ECEL1: variants seen among roughly 807,000 people sequenced by gnomAD.
ECEL1 encodes endothelin converting enzyme like 1.
ECEL1 carries 87 observed loss-of-function variants against 101.8 expected under a neutral mutation model. The observed-to-expected ratio is 0.85, with a 90% CI of 0.72 to 1.02. The LOEUF is 1.02. Ranked by LOEUF, ECEL1 falls within the 50% of genes least tolerant of loss-of-function variation. ECEL1 has a pLI of 0.00. For missense variants in ECEL1, 1,032 were observed against 1,079.2 expected (o/e 0.96, Z 0.61); for synonymous variants, 487 against 468.7 (o/e 1.04, Z -0.50).
chr2:232,486,240 G>C lies in ECEL1; in HGVS notation c.414C>G (p.His138Gln), dbSNP rs1285072179. Residue 138 changes from histidine (H) to glutamine (Q), a missense_variant, in exon 2 of 18, where the codon CAC (histidine) becomes CAG (glutamine). Coordinates refer to ENST00000304546, the MANE Select transcript of ECEL1 (RefSeq NM_004826.4). ...AGGTGAGCTTGTCGTCGGGGATGGC[G>C]TGGCGCCGCAGCCAACCGCCGCAGG... Reference protein sequence around the residue: ...SFACGGWLRRHAIPDDKLTYG... With the variant: ...SFACGGWLRRQAIPDDKLTYG... 1.2e-6 allele frequency: 2 copies of C among 1,601,222 alleles called. No individual in the cohort carries two copies. Among genetic ancestry groups the C allele is most frequent in the East Asian group, 4.5e-5 (2 of 44,552 alleles).
At position 232,486,683 on chromosome 2, in the gene ECEL1, G is replaced by A. The variant is rs750247749; in HGVS notation, c.-30C>T. ...CCGAGGCCGCCGCGGTGCAGACCTG[G>A]GCCACCTGGGCTACGGGATGCGCGT... On this transcript the variant is annotated 5_prime_UTR_variant, in exon 2 of 18. Coordinates refer to ENST00000304546, the MANE Select transcript of ECEL1 (RefSeq NM_004826.4). The A allele has an allele frequency of 4.8e-6, 7 of 1,473,080 alleles. No individual in the cohort carries two copies. In the African/African-American group the frequency reaches 8.9e-5, roughly 19 times the overall value. 91.3% of individuals were successfully genotyped at this position (1,473,080 alleles called of 1,614,324 possible).
chr2:232,486,263 AGGC>A lies in ECEL1; in HGVS notation c.388_390del (p.Ala130del), dbSNP rs1690723374. 1 of 1,600,960 alleles carries A rather than the reference AGGC, an allele frequency of 6.2e-7. No individual in the cohort carries two copies. Among genetic ancestry groups the A allele is most frequent in the African/African-American group, 1.3e-5 (1 of 74,158 alleles). ...GCGTGGCGCCGCAGCCAACCGCCGC[AGGC>A]GAACGAGTAGAAGTCCTGGCATGGG... is the stretch of plus-strand genomic sequence containing the variant. On this transcript the variant is annotated inframe_deletion, in exon 2 of 18. Coordinates refer to ENST00000304546, the MANE Select transcript of ECEL1 (RefSeq NM_004826.4).
intron 9 of ECEL1, 72 bp from the exon 10 acceptor site, chr2:232,483,026 C>T: frequency 3.7e-6 from 6 of 1,612,124 alleles, no homozygotes; most frequent in Admixed American, 1.7e-5. Flanking sequence ...AACAACCTGG[C>T]CGTGCAGGCC....
At chr2:232,480,613 CAG>C (rs1325999627) in intron 16 of ECEL1, 103 bp downstream of exon 16, 1 of 1,501,028 alleles carries the variant, frequency 6.7e-7, no homozygotes, top group Non-Finnish European at 9.2e-7. Context: ...CAGGTGATGA[CAG>C]ACAGGCTGTC....
At chr2:232,485,794 G>A in intron 2 of ECEL1, 74 bp downstream of exon 2, 1 of 1,510,418 alleles carries the variant, frequency 6.6e-7, no homozygotes, top group Non-Finnish European at 8.9e-7. Flanking sequence ...CCTCCCGCGC[G>A]CAGGGACCCC....
intron 14 of ECEL1, 24 bp from the exon 15 acceptor site, chr2:232,481,180 G>T: frequency 6.4e-7 from 1 of 1,552,640 alleles, no homozygotes; most frequent in Non-Finnish European, 8.7e-7. Flanking sequence ...AAGAGGCCAG[G>T]GGGCTGCTTG....
chr2:232,487,035 C>A (rs1014558927), intron 1 of ECEL1, among the ~76,000 whole-genome samples: 9 of 152,314 alleles, frequency 5.9e-5, no homozygotes, highest in African/African-American at 2.2e-4. Flanking sequence ...CGTAGTGGGC[C>A]TTCATTGAAA....
Position 232,483,089 on chromosome 2 carries a change from C to A in ECEL1, c.1581+16G>T, listed in dbSNP as rs1183897567. 2 of 1,609,570 alleles carry A rather than the reference C, an allele frequency of 1.2e-6. No homozygotes were observed. Among genetic ancestry groups the A allele is most frequent in the East Asian group, 2.2e-5 (1 of 44,750 alleles). ...AGGGGCTGTGGACAGGCTGGGCAGG[C>A]AGGGTCAGGGCCCACCTCATACTCC... is the stretch of plus-strand genomic sequence containing the variant. On this transcript the variant is annotated intron_variant, in intron 9 of 17. Coordinates refer to ENST00000304546, the MANE Select transcript of ECEL1 (RefSeq NM_004826.4).
chr2:232,486,854 C>T (rs981476921), intron 1 of ECEL1, 100 bp from the exon 2 acceptor site: 17 of 476,928 alleles, frequency 3.6e-5, no homozygotes, highest in Non-Finnish European at 5.0e-5. Context: ...AGGCCCCAGC[C>T]GCGGGCCTCA....
Position 232,482,953 on chromosome 2 carries a change from A to G in ECEL1, c.1583T>C (p.Phe528Ser). The change falls in exon 10 of 18, where the codon TTT becomes TCT. Residue 528 changes from phenylalanine (F) to serine (S), a missense_variant and splice_region_variant. By Grantham distance (155) the Phe-to-Ser change is radical (BLOSUM62 -2). Transcript: ENST00000304546. ...GAAGTAGGTCTTCTCATGGACCTCA[A>G]ACTGCAGGAGGCACGGGCGACACTC... ...KPDAVDKEYE[F>S]EVHEKTYFKN... 1 of 1,614,112 alleles carries G rather than the reference A, an allele frequency of 6.2e-7. No homozygotes were observed. Among genetic ancestry groups the G allele is most frequent in the Non-Finnish European group, 8.5e-7 (1 of 1,180,014 alleles).
At position 232,485,281 on chromosome 2, in the gene ECEL1, C is replaced by G. The variant is rs757423203; in HGVS notation, c.787-14G>C. 1 of 1,612,732 alleles carries G rather than the reference C, an allele frequency of 6.2e-7. No homozygotes were observed. The highest frequency in any genetic ancestry group is 8.5e-7 in the Non-Finnish European group (1 of 1,179,806). ...ATCCTGGTCAATCTGGGGAGGGAGA[C>G]AGGGGCCACAGGTCAGAGGCCCACA... On this transcript the variant is annotated splice_polypyrimidine_tract_variant and intron_variant, in intron 2 of 17. Transcript: ENST00000304546.
intron 8 of ECEL1, 60 bp from the exon 9 acceptor site, chr2:232,483,239 CA>C (rs1690631406): frequency 3.2e-6 from 5 of 1,562,174 alleles, no homozygotes; most frequent in Non-Finnish European, 4.3e-6. Flanking sequence ...CCCCGCCCCC[CA>C]CCCTACCCAC....
Position 232,486,394 on chromosome 2 carries a change from G to C in ECEL1, c.260C>G (p.Pro87Arg). Reference protein sequence around the residue: ...AAMLALKYLGPVAAGGGACPE... With the variant: ...AAMLALKYLGRVAAGGGACPE... ...ACAGGCGCCGCCGCCGGCCGCGACC[G>C]GGCCCAGGTACTTGAGGGCCAGCAT... The change falls in exon 2 of 18, where the codon CCG (proline) becomes CGG (arginine). Residue 87 changes from proline to arginine, a missense_variant. Coordinates refer to ENST00000304546, the MANE Select transcript of ECEL1 (RefSeq NM_004826.4). The C allele has an allele frequency of 3.4e-6, 5 of 1,478,264 alleles. No individual in the cohort carries two copies. Among genetic ancestry groups the C allele is most frequent in the Non-Finnish European group, 4.4e-6 (5 of 1,126,414 alleles). 91.6% of individuals were successfully genotyped at this position (1,478,264 alleles called of 1,614,324 possible). A position where few individuals can be genotyped will look rare whatever the true frequency, so the allele number is the denominator to read the frequency against.
intron 13 of ECEL1, 32 bp from the exon 14 acceptor site, chr2:232,481,662 C>G: frequency 1.2e-6 from 2 of 1,609,214 alleles, no homozygotes; most frequent in Non-Finnish European, 1.7e-6. Context: ...GAGACCCACC[C>G]TCACCTGAGC....
In ECEL1 at chr2:232,482,510, C is replaced by T. The variant is rs78348487; in HGVS notation, c.1744+40G>A. 2,291 of 1,614,008 alleles carry T rather than the reference C, an allele frequency of 1.4e-3. 36 individuals are homozygous for T. The East Asian group carries it at 0.033, about 23-fold the overall frequency. On this transcript the variant is annotated intron_variant, in intron 11 of 17. Coordinates refer to ENST00000304546, the MANE Select transcript of ECEL1 (RefSeq NM_004826.4). ...GCTCAGTGGGAAACCCATCCACTTT[C>T]GGACCCTGCCCCGCCCGGCGTAGGG...
At position 232,483,258 on chromosome 2, in the gene ECEL1, G is replaced by A. The variant is rs527721517; in HGVS notation, c.1507-79C>T. The A allele has an allele frequency of 1.1e-5, 18 of 1,569,684 alleles. No homozygotes were observed. The South Asian group carries it at 2.1e-4, about 18-fold the overall frequency. Reference sequence around the variant, plus strand: ...GCCCCCCACCCTACCCACCAAGGAAGGGAGCACTAGGCCAGCCTGGGAGTG... The same window carrying A: ...GCCCCCCACCCTACCCACCAAGGAAAGGAGCACTAGGCCAGCCTGGGAGTG... On this transcript the variant is annotated intron_variant, in intron 8 of 17. Coordinates refer to ENST00000304546, the MANE Select transcript of ECEL1 (RefSeq NM_004826.4).
chr2:232,479,922 G>C lies in ECEL1; in HGVS notation c.*231C>G. On this transcript the variant is annotated 3_prime_UTR_variant, in exon 18 of 18. Transcript: ENST00000304546. Reference sequence around the variant, plus strand: ...CCTGGCAGAGGGTCTGGCCCCCTTAGAGCAGAATCTGGGGACCCCAGTATA... The same window carrying C: ...CCTGGCAGAGGGTCTGGCCCCCTTACAGCAGAATCTGGGGACCCCAGTATA... The C allele has an allele frequency of 3.4e-6, 2 of 581,902 alleles. No individual in the cohort carries two copies. The highest frequency in any genetic ancestry group is 3.1e-6 in the Non-Finnish European group (1 of 325,354). 36.0% of individuals were successfully genotyped at this position (581,902 alleles called of 1,614,324 possible). A position where few individuals can be genotyped will look rare whatever the true frequency, so the allele number is the denominator to read the frequency against.
At chr2:232,484,272 G>T in intron 6 of ECEL1, 49 bp from the exon 7 acceptor site, 1 of 1,585,340 alleles carries the variant, frequency 6.3e-7, no homozygotes, top group Non-Finnish European at 8.6e-7. Context: ...ATGCATGTGG[G>T]CCACCAAGGG....
At position 232,481,605 on chromosome 2, in the gene ECEL1, G is replaced by A. The variant is rs772654309; in HGVS notation, c.1890C>T (p.Asn630=). ...AGGCCTCCGTCCACCAGTGCAGCAG[G>A]TTCCCTGAGCGGTCATACTGGCCCC... ...DWGGQYDRSG[N]LLHWWTEASY... The change falls in exon 14 of 18, where the codon AAC becomes AAT. Residue 630 remains asparagine (N), a synonymous_variant. Coordinates refer to ENST00000304546, the MANE Select transcript of ECEL1 (RefSeq NM_004826.4). 14 of 1,613,786 alleles carry A rather than the reference G, an allele frequency of 8.7e-6. No individual in the cohort carries two copies. The South Asian group carries it at 1.1e-4, about 13-fold the overall frequency.
Sources: gnomAD v4.1 joint callset for allele counts (sites outside exome capture counted in the v4.1 genomes callset) on GRCh38, gnomAD v4.1.1 for gene constraint, MANE v1.5 for transcripts, NCBI Gene and HGNC (gene_info 2026-07-23, HGNC 2026-07-21) for gene names.